The following ARHGAP18 variants were observed in gnomAD, a reference collection of about 807,000 sequenced individuals.
The protein encoded by ARHGAP18 is Rho GTPase activating protein 18.
ARHGAP18 carries 67 observed loss-of-function variants against 86.2 expected under a neutral mutation model. The ratio of observed to expected loss-of-function variants is 0.78; its 90% CI spans 0.64 to 0.95. ARHGAP18 has a LOEUF of 0.95. Ranked by LOEUF, ARHGAP18 falls within the 40% of genes least tolerant of loss-of-function variation. The pLI is 0.00. For missense variants in ARHGAP18, 691 were observed against 780.4 expected (o/e 0.89, Z 1.37); for synonymous variants, 283 against 280.4 (o/e 1.01, Z -0.09).
At chr6:129,597,641 C>A (rs1788641294) in intron 12 of ARHGAP18, among the ~76,000 whole-genome samples, 1 of 152,016 alleles carries the variant, frequency 6.6e-6, no homozygotes, top group African/African-American at 2.4e-5. Context: ...CTCCCTGACT[C>A]CCTGGGAACA....
chr6:129,648,273 C>T (rs960900123), intron 1 of ARHGAP18, among the ~76,000 whole-genome samples: 6 of 151,760 alleles, frequency 4.0e-5, no homozygotes, highest in South Asian at 2.1e-4. Context: ...TGGGCTCAAG[C>T]GATCCTCCCA....
At chr6:129,703,429 C>T (rs545555753) in intron 1 of ARHGAP18, among the ~76,000 whole-genome samples, 1 of 152,276 alleles carries the variant, frequency 6.6e-6, no homozygotes, top group African/African-American at 2.4e-5. Flanking sequence ...CAGCACAGTG[C>T]AATCGTACAA....
intron 12 of ARHGAP18, 142 bp from the exon 13 acceptor site, chr6:129,584,254 T>C (rs780006086): frequency 4.0e-5 from 47 of 1,189,300 alleles, no homozygotes; most frequent in Middle Eastern, 2.9e-4. Flanking sequence ...TAATGTAATT[T>C]GCAAAATTAC....
chr6:129,606,020 T>C (rs1788846781), intron 9 of ARHGAP18, 61 bp from the exon 10 acceptor site: 2 of 1,511,746 alleles, frequency 1.3e-6, no homozygotes, highest in Admixed American at 1.7e-5. Flanking sequence ...CTTTACTTTA[T>C]TTTTTCACTT....
At chr6:129,638,652 T>C in intron 2 of ARHGAP18, 23 bp from the exon 3 acceptor site, 2 of 1,587,866 alleles carry the variant, frequency 1.3e-6, no homozygotes, top group South Asian at 2.3e-5. Flanking sequence ...AGAAAAGTGG[T>C]ACTTAAATCA....
At chr6:129,654,032 G>GCTGTT in intron 1 of ARHGAP18, among the ~76,000 whole-genome samples, 1 of 152,180 alleles carries the variant, frequency 6.6e-6, no homozygotes, top group Non-Finnish European at 1.5e-5. Flanking sequence ...GACAGAGCGA[G>GCTGTT]ACCCTGTCTG....
At chr6:129,664,616 C>T (rs1020459787) in intron 1 of ARHGAP18, among the ~76,000 whole-genome samples, 1 of 152,154 alleles carries the variant, frequency 6.6e-6, no homozygotes, top group Admixed American at 6.5e-5. Flanking sequence ...CTCTCAGAGC[C>T]TCAGTTTCCT....
At chr6:129,590,308 G>T (rs1180821280) in intron 12 of ARHGAP18, among the ~76,000 whole-genome samples, 1 of 152,166 alleles carries the variant, frequency 6.6e-6, no homozygotes, top group African/African-American at 2.4e-5. Context: ...ATGAGGTGTT[G>T]AGTTCAGGGT....
chr6:129,626,698 C>G (rs1789482240), intron 5 of ARHGAP18, among the ~76,000 whole-genome samples: 1 of 140,694 alleles, frequency 7.1e-6, no homozygotes, highest in Admixed American at 7.1e-5. Context: ...CACACACACA[C>G]AGACAAATAG....
At chr6:129,635,051 C>G (rs867738007) in intron 3 of ARHGAP18, among the ~76,000 whole-genome samples, 2 of 152,152 alleles carry the variant, frequency 1.3e-5, no homozygotes, top group African/African-American at 2.4e-5. Flanking sequence ...AAACCATGGC[C>G]GACTCTGCTC....
chr6:129,706,982 T>A (rs944494475), intron 1 of ARHGAP18, among the ~76,000 whole-genome samples: 4 of 151,038 alleles, frequency 2.6e-5, no homozygotes, highest in Non-Finnish European at 1.5e-5. Context: ...ATCCCAGCAC[T>A]TTGGGGGGCC....
intron 1 of ARHGAP18, among the ~76,000 whole-genome samples, chr6:129,655,317 C>CAAAAAAAAAAAAAAAAAAA (rs55681217): frequency 1.3e-5 from 1 of 75,074 alleles, no homozygotes; most frequent in Non-Finnish European, 2.6e-5. Context: ...AAAACTCTCT[C>CAAAAAAAAAAAAAAAAAAA]AAAAAAAAAA....
At chr6:129,647,487 T>C (rs78238762) in intron 1 of ARHGAP18, among the ~76,000 whole-genome samples, 2,008 of 152,318 alleles carry the variant, frequency 0.013, 42 homozygotes, top group African/African-American at 0.045. Flanking sequence ...AGACCTCTGA[T>C]CCTAGCACCT....
intron 1 of ARHGAP18, among the ~76,000 whole-genome samples, chr6:129,680,378 T>C (rs1584110090): frequency 6.6e-6 from 1 of 152,358 alleles, no homozygotes; most frequent in East Asian, 1.9e-4. Flanking sequence ...TCCTAAGTTA[T>C]TTAAGGCGTT....
At chr6:129,654,627 C>T (rs1024741387) in intron 1 of ARHGAP18, among the ~76,000 whole-genome samples, 10 of 152,160 alleles carry the variant, frequency 6.6e-5, no homozygotes, top group South Asian at 4.1e-4. Context: ...AGCGTTGCCC[C>T]GCTAGCTACA....
intron 8 of ARHGAP18, among the ~76,000 whole-genome samples, chr6:129,609,501 T>C (rs73590578): frequency 0.063 from 9,656 of 152,228 alleles, 810 homozygotes; most frequent in African/African-American, 0.19. Context: ...AGTCTGCTAG[T>C]GAGGGCCCGA....
rs766074136 is a variant in ARHGAP18 at position 129,600,642 on chromosome 6, T to C, written c.1572A>G (p.Thr524=). Residue 524 remains threonine (T), a splice_region_variant and synonymous_variant, in exon 11 of 15, where the codon ACA becomes ACG. Transcript: ENST00000368149. ...ACCAAAGCATATGATATATACTTAC[T>C]GTCCACAGAAGTTTTTGGTACTTAA... The part of the protein sequence containing the change: ...LLIKYQKLLW[T]IPKFIVNQVR... 5 of 1,612,290 alleles carry C rather than the reference T, an allele frequency of 3.1e-6. No homozygotes were observed. The highest frequency in any genetic ancestry group is 4.2e-6 in the Non-Finnish European group (5 of 1,178,682).
chr6:129,650,799 C>T (rs188961342), intron 1 of ARHGAP18, among the ~76,000 whole-genome samples: 2 of 152,300 alleles, frequency 1.3e-5, no homozygotes, highest in African/African-American at 2.4e-5. Context: ...AAATTAAACA[C>T]CAGTAGCTAC....
intron 1 of ARHGAP18, among the ~76,000 whole-genome samples, chr6:129,662,325 G>A (rs1299911343): frequency 1.3e-5 from 2 of 152,212 alleles, no homozygotes; most frequent in Non-Finnish European, 2.9e-5. Flanking sequence ...GCCCATCAGG[G>A]CATGGTGCCT....
Sources: allele counts gnomAD v4.1 joint callset (sites outside exome capture counted in the v4.1 genomes callset), GRCh38; gene constraint gnomAD v4.1.1; transcripts MANE v1.5; gene names NCBI Gene and HGNC (gene_info 2026-07-23, HGNC 2026-07-21).